PPP1R9A: variants seen among roughly 807,000 people sequenced by gnomAD.
The protein encoded by PPP1R9A is neurabin-1.
Under a neutral mutation model 141.9 loss-of-function variants are expected in PPP1R9A, and 59 were observed. The ratio of observed to expected loss-of-function variants is 0.42; its 90% CI spans 0.34 to 0.52. The LOEUF (loss-of-function observed/expected upper bound fraction) is 0.52, where lower values mean the gene tolerates loss of function less well. Among genes scored for constraint, PPP1R9A ranks in the 20% least tolerant of loss-of-function variants. PPP1R9A has a pLI of 0.10. For synonymous variants in PPP1R9A, 500 were observed against 569.7 expected (o/e 0.88, Z 1.74); for missense variants, 1,444 against 1,611.9 (o/e 0.90, Z 1.78).
rs1793274761 is a variant in PPP1R9A, at chr7:94,924,850, C to T, written c.1395+13342C>T. Among the ~76,000 whole-genome samples the T allele has an allele frequency of 2.6e-5, 4 of 152,124 alleles. No homozygotes were observed. In the South Asian group the frequency reaches 8.3e-4, roughly 32 times the overall value. Reference sequence around the variant, plus strand: ...TGGCCTACCAAACGAAATTCTTACTCTTAATCTAGAATGAGAACTATTGAG... The same window carrying T: ...TGGCCTACCAAACGAAATTCTTACTTTTAATCTAGAATGAGAACTATTGAG... On this transcript the variant is annotated intron_variant, in intron 2 of 19. Transcript: ENST00000433360.
At chr7:95,204,118 T>C (rs1790181160) in intron 7 of PPP1R9A, among the ~76,000 whole-genome samples, 1 of 152,186 alleles carries the variant, frequency 6.6e-6, no homozygotes, top group Non-Finnish European at 1.5e-5. Flanking sequence ...TTTTAGAAAA[T>C]AATCTTTTGA....
chr7:95,179,883 A>G (rs1261265149), intron 5 of PPP1R9A, among the ~76,000 whole-genome samples: 2 of 152,174 alleles, frequency 1.3e-5, no homozygotes, highest in Non-Finnish European at 2.9e-5. Context: ...AGATGACACA[A>G]ACAAATGGAA....
At chr7:95,232,176 C>A (rs1022793672) in intron 8 of PPP1R9A, among the ~76,000 whole-genome samples, 1 of 151,934 alleles carries the variant, frequency 6.6e-6, no homozygotes, top group Non-Finnish European at 1.5e-5. Flanking sequence ...TACAATCACC[C>A]TAGATTAAAC....
intron 12 of PPP1R9A, 141 bp downstream of exon 12, chr7:95,252,271 G>C (rs911325676): frequency 2.2e-6 from 2 of 918,226 alleles, no homozygotes; most frequent in Non-Finnish European, 3.0e-6. Context: ...CAAAATAGGA[G>C]TCAATCATTT....
chr7:94,976,826 T>C (rs1269378471), intron 2 of PPP1R9A, among the ~76,000 whole-genome samples: 1 of 152,148 alleles, frequency 6.6e-6, no homozygotes, highest in Admixed American at 6.5e-5. Flanking sequence ...AGTATCTGCT[T>C]GGTGTCAGGC....
chr7:95,030,201 T>A lies in PPP1R9A; in HGVS notation c.1396-81058T>A, dbSNP rs185393118. The stretch of plus-strand genomic sequence containing the variant: ...CTGAGAGCATCAATATCCTCATCTG[T>A]GAAATAGTGTTAATAACATATATCA... On this transcript the variant is annotated intron_variant, in intron 2 of 19. Coordinates refer to ENST00000433360, the MANE Select transcript of PPP1R9A (RefSeq NM_001166160.2). Among the ~76,000 whole-genome samples, 326 of 152,326 alleles carry A rather than the reference T, an allele frequency of 2.1e-3. 4 individuals are homozygous for A. Among genetic ancestry groups the A allele is most frequent in the African/African-American group, 7.4e-3 (306 of 41,574 alleles).
In PPP1R9A at chr7:95,290,411, C is replaced by T. The variant is rs1011556323; in HGVS notation, c.*108C>T. 25 of 1,249,748 alleles carry T rather than the reference C, an allele frequency of 2.0e-5. No homozygotes were observed. Among genetic ancestry groups the T allele is most frequent in the South Asian group, 1.9e-4 (12 of 63,210 alleles). 77.4% of individuals were successfully genotyped at this position (1,249,748 alleles called of 1,614,324 possible). A position where few individuals can be genotyped will look rare whatever the true frequency, so the allele number is the denominator to read the frequency against. Reference sequence around the variant, plus strand: ...AAGAAACTAAATGATAAGGGTAATGCGGCTCTAGGCCGGCTGAGGAACTGT... The same window carrying T: ...AAGAAACTAAATGATAAGGGTAATGTGGCTCTAGGCCGGCTGAGGAACTGT... On this transcript the variant is annotated 3_prime_UTR_variant, in exon 20 of 20. Transcript: ENST00000433360.
intron 2 of PPP1R9A, among the ~76,000 whole-genome samples, chr7:94,989,654 A>G (rs921556307): frequency 7.9e-5 from 12 of 152,092 alleles, no homozygotes; most frequent in Non-Finnish European, 1.3e-4. Flanking sequence ...CTTTTTACCA[A>G]ACTCCTCAGG....
At chr7:95,261,656 G>A (rs1800447465) in intron 12 of PPP1R9A, among the ~76,000 whole-genome samples, 2 of 152,036 alleles carry the variant, frequency 1.3e-5, no homozygotes, top group South Asian at 2.1e-4. Context: ...TCACTGTTGA[G>A]GGATTTTTAT....
intron 2 of PPP1R9A, among the ~76,000 whole-genome samples, chr7:95,096,374 C>T (rs899642620): frequency 6.6e-6 from 1 of 152,072 alleles, no homozygotes; most frequent in Non-Finnish European, 1.5e-5. Flanking sequence ...TCTTTTTGCT[C>T]TTGTTGCAAG....
Position 95,274,127 on chromosome 7 carries a change from A to G in PPP1R9A, c.3255A>G (p.Lys1085=), listed in dbSNP as rs1802721878. 2 of 1,582,276 alleles carry G rather than the reference A, an allele frequency of 1.3e-6. No homozygotes were observed. Among genetic ancestry groups the G allele is most frequent in the African/African-American group, 2.7e-5 (2 of 74,698 alleles). The change falls in exon 16 of 20, where the codon AAA becomes AAG. Residue 1085 remains lysine, a synonymous_variant. Transcript: ENST00000433360. ...ATTCCAGCAAGGGAAAGAAGTGGAAAGAAAAAGAAAAAGAAGCCAGTAGGT... is the reference window on the plus strand; with the variant it reads ...ATTCCAGCAAGGGAAAGAAGTGGAAGGAAAAAGAAAAAGAAGCCAGTAGGT... ...RRNSSKGKKW[K]EKEKEASRFS... is the part of the protein sequence containing the mutation.
chr7:94,911,088 T>G lies in PPP1R9A; in HGVS notation c.975T>G (p.Cys325Trp). Residue 325 changes from cysteine (C) to tryptophan (W), a missense_variant, in exon 2 of 20, where the codon TGT becomes TGG. Cys to Trp is a radical substitution (Grantham distance 215, BLOSUM62 -2). Transcript: ENST00000433360. The stretch of plus-strand genomic sequence containing the variant: ...ACAAAGATGGTCCTGAAGAACCTTG[T>G]GCTGAAAGTAAGGCAATGCCAAAGT... ...SIDKDGPEEPCAESKAMPKSE... is the reference protein window; with the variant it reads ...SIDKDGPEEPWAESKAMPKSE... The G allele has an allele frequency of 6.2e-7, 1 of 1,614,160 alleles. No homozygotes were observed. Among genetic ancestry groups the G allele is most frequent in the Non-Finnish European group, 8.5e-7 (1 of 1,180,016 alleles).
chr7:95,272,613 A>G (rs1802380437), intron 14 of PPP1R9A, among the ~76,000 whole-genome samples: 1 of 152,240 alleles, frequency 6.6e-6, no homozygotes, highest in African/African-American at 2.4e-5. Context: ...GCTCATTGCT[A>G]AAAACATTTG....
intron 2 of PPP1R9A, among the ~76,000 whole-genome samples, chr7:95,056,603 G>A (rs760342928): frequency 2.0e-5 from 3 of 152,024 alleles, no homozygotes; most frequent in Non-Finnish European, 4.4e-5. Flanking sequence ...TGATTTTGCA[G>A]TATTTTTCAG....
chr7:95,012,578 A>G (rs1480855530), intron 2 of PPP1R9A, among the ~76,000 whole-genome samples: 1 of 152,114 alleles, frequency 6.6e-6, no homozygotes, highest in East Asian at 1.9e-4. Flanking sequence ...CACTTTATAT[A>G]TTAAGGAATA....
intron 12 of PPP1R9A, among the ~76,000 whole-genome samples, chr7:95,265,068 T>A (rs1184702369): frequency 6.6e-6 from 1 of 152,152 alleles, no homozygotes; most frequent in Admixed American, 6.6e-5. Flanking sequence ...CTGACAGCTA[T>A]TTTTCTTTGT....
chr7:95,181,559 T>C (rs1466291239), intron 5 of PPP1R9A, among the ~76,000 whole-genome samples: 2 of 138,500 alleles, frequency 1.4e-5, no homozygotes, highest in African/African-American at 5.3e-5. Context: ...AGAATATATA[T>C]AGAATATATA....
At chr7:95,101,466 C>G (rs1333773138) in intron 2 of PPP1R9A, among the ~76,000 whole-genome samples, 1 of 152,152 alleles carries the variant, frequency 6.6e-6, no homozygotes, top group African/African-American at 2.4e-5. Flanking sequence ...TTGTCCATTT[C>G]CATCATACGT....
chr7:95,118,127 A>T (rs1194080295), intron 3 of PPP1R9A, among the ~76,000 whole-genome samples: 2 of 152,154 alleles, frequency 1.3e-5, no homozygotes. Flanking sequence ...AGAGAGAAAA[A>T]CCCTATGCAT....
Sources: gnomAD v4.1 joint callset for allele counts (sites outside exome capture counted in the v4.1 genomes callset) on GRCh38, gnomAD v4.1.1 for gene constraint, MANE v1.5 for transcripts, NCBI Gene and HGNC (gene_info 2026-07-23, HGNC 2026-07-21) for gene names.